SCHIP1: variants seen among roughly 807,000 people sequenced by gnomAD.
SCHIP1 encodes the protein schwannomin interacting protein 1.
Under a neutral mutation model 29.7 loss-of-function variants are expected in SCHIP1, and 8 were observed. That is an observed-to-expected ratio of 0.27 (90% CI 0.16 to 0.49). The LOEUF is 0.49. Among genes scored for constraint, SCHIP1 ranks in the 20% least tolerant of loss-of-function variants. The pLI is 0.99. For missense variants in SCHIP1, 193 were observed against 294.6 expected, an observed-to-expected ratio of 0.66 and a Z score of 2.52; for synonymous variants, 76 against 94.9, an observed-to-expected ratio of 0.80 and a Z score of 1.16.
intron 1 of SCHIP1, among the ~76,000 whole-genome samples, chr3:159,860,238 G>T (rs1479138450): frequency 6.6e-6 from 1 of 152,140 alleles, no homozygotes; most frequent in African/African-American, 2.4e-5. Context: ...TTACTTCATT[G>T]CTTTAACAAG....
At chr3:159,897,035 GA>G in exon 7 of SCHIP1, 1 of 305,130 alleles carries the variant, frequency 3.3e-6, no homozygotes, top group East Asian at 5.5e-5. Context: ...GTTAATAAAA[GA>G]GAGTAGTTTT....
chr3:159,300,053 C>T, the SCHIP1 span, among the ~76,000 whole-genome samples: 1 of 148,768 alleles, frequency 6.7e-6, no homozygotes, highest in Admixed American at 6.8e-5. Flanking sequence ...CCTCTATTTG[C>T]CTCCTTTGTC....
chr3:159,776,755 C>A, the SCHIP1 span, among the ~76,000 whole-genome samples: 147 of 152,260 alleles, frequency 9.7e-4, no homozygotes, highest in African/African-American at 3.4e-3. Context: ...TGTACTAACA[C>A]GTGACTAAAA....
the SCHIP1 span, among the ~76,000 whole-genome samples, chr3:159,817,041 A>G: frequency 2.6e-5 from 4 of 152,164 alleles, no homozygotes; most frequent in African/African-American, 4.8e-5. Context: ...TTATGTGTCT[A>G]TCTTTGCCTT....
the SCHIP1 span, among the ~76,000 whole-genome samples, chr3:159,409,286 A>G: frequency 6.6e-6 from 1 of 152,014 alleles, no homozygotes. Flanking sequence ...ATTCCTAGCT[A>G]GAGCAATCAG....
chr3:159,610,034 C>T, the SCHIP1 span, among the ~76,000 whole-genome samples: 1 of 152,160 alleles, frequency 6.6e-6, no homozygotes, highest in Non-Finnish European at 1.5e-5. Context: ...AGCATTGTCT[C>T]ATTTAATCCT....
chr3:159,601,747 T>C, the SCHIP1 span, among the ~76,000 whole-genome samples: 2 of 152,202 alleles, frequency 1.3e-5, no homozygotes, highest in African/African-American at 2.4e-5. Context: ...TTTTGGTGCA[T>C]TGCACTGTCC....
the SCHIP1 span, among the ~76,000 whole-genome samples, chr3:159,456,219 A>G: frequency 2.0e-5 from 3 of 152,140 alleles, no homozygotes; most frequent in African/African-American, 7.2e-5. Context: ...CTTATGGTTT[A>G]TGTCTCTGTT....
chr3:159,811,541 G>A, the SCHIP1 span, among the ~76,000 whole-genome samples: 2 of 152,136 alleles, frequency 1.3e-5, no homozygotes, highest in Admixed American at 6.5e-5. Context: ...TGAAAAGACT[G>A]TCCTTTCCCC....
the SCHIP1 span, among the ~76,000 whole-genome samples, chr3:159,450,661 T>C: frequency 6.6e-5 from 10 of 152,150 alleles, no homozygotes; most frequent in African/African-American, 2.4e-4. Flanking sequence ...GCTGTGCAAG[T>C]ACACCTTCAA....
chr3:159,695,599 T>C, the SCHIP1 span, among the ~76,000 whole-genome samples: 1 of 152,280 alleles, frequency 6.6e-6, no homozygotes, highest in South Asian at 2.1e-4. Context: ...CTTTGAACAG[T>C]TCAGGGCCTA....
chr3:159,664,506 T>TA, the SCHIP1 span, among the ~76,000 whole-genome samples: 16 of 152,164 alleles, frequency 1.1e-4, no homozygotes, highest in East Asian at 1.2e-3. Context: ...GCTTATTTAA[T>TA]AAAAAAATGT....
chr3:159,740,733 A>C, the SCHIP1 span, among the ~76,000 whole-genome samples: 1 of 148,414 alleles, frequency 6.7e-6, no homozygotes, highest in South Asian at 2.2e-4. Context: ...GTGTAGCCAA[A>C]AAAGGAAGGA....
At chr3:159,381,537 C>T in the SCHIP1 span, among the ~76,000 whole-genome samples, 159 of 152,206 alleles carry the variant, frequency 1.0e-3, 2 homozygotes, top group South Asian at 0.024. Context: ...AGAATATGAA[C>T]ACTTCTTCCC....
chr3:159,510,978 A>C, the SCHIP1 span, among the ~76,000 whole-genome samples: 1 of 152,206 alleles, frequency 6.6e-6, no homozygotes, highest in African/African-American at 2.4e-5. Context: ...TGGGAGAACC[A>C]CTACTCTCTT....
intron 2 of SCHIP1, among the ~76,000 whole-genome samples, chr3:159,885,013 A>G (rs1424392258): frequency 6.6e-6 from 1 of 152,170 alleles, no homozygotes; most frequent in Non-Finnish European, 1.5e-5. Flanking sequence ...ACCCATAACA[A>G]TTATGGTTCC....
At chr3:159,503,425 T>C in the SCHIP1 span, among the ~76,000 whole-genome samples, 5 of 152,330 alleles carry the variant, frequency 3.3e-5, no homozygotes, top group South Asian at 2.1e-4. Flanking sequence ...GAAGGAAATA[T>C]TGCTTTCATA....
the SCHIP1 span, among the ~76,000 whole-genome samples, chr3:159,487,434 G>A: frequency 4.5e-3 from 690 of 152,134 alleles, 6 homozygotes; most frequent in African/African-American, 0.016. Flanking sequence ...CTTTTTAGCT[G>A]ACAAGACACC....
the SCHIP1 span, among the ~76,000 whole-genome samples, chr3:159,431,533 A>G: frequency 4.6e-5 from 7 of 152,150 alleles, no homozygotes; most frequent in Admixed American, 2.0e-4. Flanking sequence ...CCAAATTACT[A>G]TAATAGAGGA....
Sources: allele counts gnomAD v4.1 joint callset (sites outside exome capture counted in the v4.1 genomes callset), GRCh38; gene constraint gnomAD v4.1.1; transcripts MANE v1.5; gene names NCBI Gene and HGNC (gene_info 2026-07-23, HGNC 2026-07-21).